Variants in PHC2 observed in about 807,000 individuals in gnomAD.
The protein encoded by PHC2 is polyhomeotic homolog 2.
A neutral mutation model predicts 87.4 loss-of-function variants in PHC2; 29 were observed. That is an observed-to-expected ratio of 0.33 (90% CI 0.25 to 0.45). The LOEUF (loss-of-function observed/expected upper bound fraction) is 0.45. Among genes scored for constraint, PHC2 ranks in the 20% least tolerant of loss-of-function variants. PHC2 has a pLI of 1.00. For missense variants in PHC2, 857 were observed against 1,136.7 expected, an observed-to-expected ratio of 0.75 and a Z score of 3.54; for synonymous variants, 438 against 461.7, an observed-to-expected ratio of 0.95 and a Z score of 0.66.
At chr1:33,378,092 C>T (rs1212547243) in intron 1 of PHC2, among the ~76,000 whole-genome samples, 3 of 152,216 alleles carry the variant, frequency 2.0e-5, no homozygotes, top group Non-Finnish European at 2.9e-5. Context: ...CTGAGCTGCA[C>T]GCAGTGCTGG....
chr1:33,332,844 C>T lies in PHC2; in HGVS notation c.1762-440G>A, dbSNP rs192643137. ...TTTTTTTACTGTTCTCCACCTTACCCCAATGCCTGACCCAAGCCAGAGGTA... is the reference window on the plus strand; with the variant it reads ...TTTTTTTACTGTTCTCCACCTTACCTCAATGCCTGACCCAAGCCAGAGGTA... On this transcript the variant is annotated intron_variant, in intron 10 of 14. Transcript: ENST00000683057. This position sits in a 1 kb window ranked among gnomAD's most constrained non-coding sequence, Gnocchi z 4.2. 4.9e-4 allele frequency among the ~76,000 whole-genome samples: 74 copies of T among 152,240 alleles called. No homozygotes were observed. In the East Asian group the frequency reaches 0.014, roughly 29 times the overall value.
At chr1:33,378,202 G>A (rs986610325) in intron 1 of PHC2, among the ~76,000 whole-genome samples, 5 of 152,146 alleles carry the variant, frequency 3.3e-5, no homozygotes, top group Non-Finnish European at 5.9e-5. Context: ...CCTATGTCTT[G>A]GCGCTGTCAA....
In PHC2 at chr1:33,354,483, T is replaced by C. The variant is rs140918672; in HGVS notation, c.1476A>G (p.Pro492=). ...TGGCAGTGACAATAGCCTGCTGATG[T>C]GGTGATGGGCCAGACCGCGTCTCAG... ...SVPETRSGPS[P]HQQAIVTAMP... is the part of the protein sequence containing the mutation. The change falls in exon 9 of 15, where the codon CCA becomes CCG. Residue 492 remains proline (P), a synonymous_variant. Coordinates refer to ENST00000683057, the MANE Select transcript of PHC2 (RefSeq NM_001385109.1). The C allele has an allele frequency of 9.4e-4, 1,516 of 1,614,040 alleles. 18 individuals carry two copies. In the African/African-American group the frequency reaches 0.018, roughly 19 times the overall value.
At chr1:33,354,661 A>C in intron 8 of PHC2, 95 bp from the exon 9 acceptor site, 1 of 1,393,656 alleles carries the variant, frequency 7.2e-7, no homozygotes, top group African/African-American at 1.4e-5. Context: ...GGAAGCAGGT[A>C]AGGACCTTAA....
chr1:33,350,751 CTTT>C (rs1330307852), intron 9 of PHC2, among the ~76,000 whole-genome samples: 1 of 152,064 alleles, frequency 6.6e-6, no homozygotes. Context: ...ATCCCATCTT[CTTT>C]GTTTACATTT....
intron 9 of PHC2, among the ~76,000 whole-genome samples, chr1:33,348,285 G>T (rs1646883246): frequency 6.6e-6 from 1 of 152,190 alleles, no homozygotes; most frequent in South Asian, 2.1e-4. Context: ...ATAAAAGATG[G>T]GCGGGTGGGG....
Position 33,349,959 on chromosome 1 carries a change from C to G in PHC2, c.1558+4442G>C, listed in dbSNP as rs1310351245. ...CCGGGGGCGGGGCGAGGGAGCGGGG[C>G]GGGGAGGGGCGGGGCCGCGGGAGGG... is the stretch of plus-strand genomic sequence containing the variant. On this transcript the variant is annotated intron_variant, in intron 9 of 14. Coordinates refer to ENST00000683057, the MANE Select transcript of PHC2 (RefSeq NM_001385109.1). The surrounding 1 kb of genome is among the most constrained non-coding windows in gnomAD (Gnocchi z 4.2). 1.5e-4 allele frequency: 16 copies of G among 104,388 alleles called. No individual in the cohort carries two copies. Among genetic ancestry groups the G allele is most frequent in the Non-Finnish European group, 3.3e-4 (16 of 48,572 alleles). 6.5% of individuals were successfully genotyped at this position (104,388 alleles called of 1,614,324 possible). A position where few individuals can be genotyped will look rare whatever the true frequency, so the allele number is the denominator to read the frequency against.
intron 7 of PHC2, among the ~76,000 whole-genome samples, chr1:33,356,276 T>TATATATATATATATATATATACAC (rs1557831073): frequency 3.4e-5 from 2 of 59,458 alleles, no homozygotes; most frequent in East Asian, 8.6e-4. Context: ...TATATATATA[T>TATATATATATATATATATATACAC]GTATATATAT....
intron 7 of PHC2, among the ~76,000 whole-genome samples, chr1:33,358,352 G>A (rs1051963504): frequency 6.6e-6 from 1 of 152,018 alleles, no homozygotes; most frequent in African/African-American, 2.4e-5. Context: ...TAGGACAAAC[G>A]AGGCTACTAT....
intron 9 of PHC2, among the ~76,000 whole-genome samples, chr1:33,343,860 G>T (rs1430194799): frequency 6.6e-6 from 1 of 152,228 alleles, no homozygotes; most frequent in African/African-American, 2.4e-5. Flanking sequence ...GCTTCAGGAA[G>T]AAATGTTACC....
In PHC2 at chr1:33,335,910, G is replaced by A. The variant is rs191829620; in HGVS notation, c.1559-1618C>T. 6.8e-3 allele frequency among the ~76,000 whole-genome samples: 714 copies of A among 104,526 alleles called. 2 individuals carry two copies. Among genetic ancestry groups the A allele is most frequent in the Middle Eastern group, 0.016 (4 of 244 alleles). The allele number at this position is 104,526 out of a possible 152,430, so 68.6% of individuals were successfully genotyped here. ...GCAAGACTCTATCTTGGGGGGGGAG[G>A]GGGGGAAAGAAAAGATGGTTTATGA... On this transcript the variant is annotated intron_variant, in intron 9 of 14. Coordinates refer to ENST00000683057, the MANE Select transcript of PHC2 (RefSeq NM_001385109.1).
At chr1:33,387,570 CATA>C (rs1290886983) in intron 1 of PHC2, among the ~76,000 whole-genome samples, 1 of 152,196 alleles carries the variant, frequency 6.6e-6, no homozygotes, top group East Asian at 1.9e-4. Flanking sequence ...TGCTCAGGGA[CATA>C]ATATCATTTA....
chr1:33,346,647 A>C, intron 9 of PHC2: 1 of 985,414 alleles, frequency 1.0e-6, no homozygotes, highest in South Asian at 4.7e-5. Flanking sequence ...CCTATTCCCT[A>C]GGTTTTTTAA....
chr1:33,427,226 C>A (rs1650709493), intron 1 of PHC2, among the ~76,000 whole-genome samples: 1 of 152,170 alleles, frequency 6.6e-6, no homozygotes. Context: ...ATACAAAGAG[C>A]TTAGCACGAT....
intron 1 of PHC2, among the ~76,000 whole-genome samples, chr1:33,392,932 C>G (rs1649130925): frequency 6.6e-6 from 1 of 152,190 alleles, no homozygotes; most frequent in East Asian, 1.9e-4. Flanking sequence ...GTAACCCAGG[C>G]TGCTTAGTCT....
intron 1 of PHC2, among the ~76,000 whole-genome samples, chr1:33,376,359 A>T (rs943132701): frequency 2.0e-5 from 3 of 152,206 alleles, no homozygotes; most frequent in Non-Finnish European, 4.4e-5. Context: ...GTCTTAAGAC[A>T]CACTTGCCCT....
At chr1:33,381,388 C>T (rs1040415353) in intron 1 of PHC2, among the ~76,000 whole-genome samples, 4 of 152,130 alleles carry the variant, frequency 2.6e-5, no homozygotes, top group African/African-American at 9.7e-5. Flanking sequence ...AAATTTCTCA[C>T]CAACTAGTTT....
intron 1 of PHC2, among the ~76,000 whole-genome samples, chr1:33,428,820 G>GA (rs1650787406): frequency 6.6e-6 from 1 of 152,188 alleles, no homozygotes; most frequent in Non-Finnish European, 1.5e-5. Context: ...GGAGGCATTG[G>GA]AAAGCCTATG....
intron 1 of PHC2, among the ~76,000 whole-genome samples, chr1:33,402,972 CT>C (rs1364190978): frequency 6.6e-6 from 1 of 151,206 alleles, no homozygotes; most frequent in Admixed American, 6.6e-5. Flanking sequence ...CCACGCCCGA[CT>C]TTTTAAATTT....
Sources: allele counts gnomAD v4.1 joint callset (sites outside exome capture counted in the v4.1 genomes callset), GRCh38; gene constraint gnomAD v4.1.1; non-coding constraint Gnocchi (gnomAD v3.1); transcripts MANE v1.5; gene names NCBI Gene and HGNC (gene_info 2026-07-23, HGNC 2026-07-21).